FADS2: variants seen among roughly 807,000 people sequenced by gnomAD.
FADS2 encodes the protein acyl-CoA 6-desaturase.
A neutral mutation model predicts 61.2 loss-of-function variants in FADS2; 18 were observed. The observed-to-expected ratio is 0.29, with a 90% confidence interval of 0.20 to 0.44. FADS2 has a LOEUF of 0.44. FADS2 is among the 20% of genes least tolerant of loss of function. The pLI is 1.00. For missense variants in FADS2, 322 were observed against 572.7 expected, an observed-to-expected ratio of 0.56 and a Z score of 4.47; for synonymous variants, 203 against 223.9, an observed-to-expected ratio of 0.91 and a Z score of 0.83.
At chr11:61,817,003 C>T in intron 1 of FADS2, 3 of 1,325,740 alleles carry the variant, frequency 2.3e-6, no homozygotes, top group African/African-American at 3.1e-5. Flanking sequence ...GCTGGGCTGC[C>T]AACACGCGCC....
intron 4 of FADS2, chr11:61,847,405 C>T (rs1296657564): frequency 6.6e-6 from 1 of 152,266 alleles, no homozygotes; most frequent in African/African-American, 2.4e-5. Flanking sequence ...AATCCTAGCC[C>T]TACACAACTG....
Position 61,816,866 on chromosome 11 carries a change from G to A in FADS2, c.141+440G>A. On this transcript the variant is annotated intron_variant, in intron 1 of 11. Coordinates refer to the FADS2 transcript ENST00000257261. The surrounding 1 kb of genome is among the most constrained non-coding windows in gnomAD (Gnocchi z 7.0). ...TGCTGGCGCGCGCCCAGAGCCAGCC[G>A]CCTGCGCGCCGGGTTTTCAGCACCG... The A allele has an allele frequency of 6.8e-7, 1 of 1,478,564 alleles. No homozygotes were observed. Among genetic ancestry groups the A allele is most frequent in the South Asian group, 1.3e-5 (1 of 77,200 alleles). The allele number at this position is 1,478,564 out of a possible 1,614,324, so 91.6% of individuals were successfully genotyped here.
At chr11:61,858,819 G>A (rs773188539) in intron 7 of FADS2, among the ~76,000 whole-genome samples, 1 of 152,126 alleles carries the variant, frequency 6.6e-6, no homozygotes, top group African/African-American at 2.4e-5. Context: ...CTCTTGACTC[G>A]TGATCCACCC....
intron 7 of FADS2, among the ~76,000 whole-genome samples, chr11:61,859,124 C>G (rs2067391110): frequency 6.6e-6 from 1 of 152,144 alleles, no homozygotes; most frequent in South Asian, 2.1e-4. Context: ...ATGGCGTGAT[C>G]TCGGCTCACC....
upstream of FADS2, among the ~76,000 whole-genome samples, chr11:61,824,437 AGGGAGGGAGGGAGG>A (rs1565325187): frequency 9.5e-3 from 43 of 4,540 alleles, 2 homozygotes; most frequent in South Asian, 0.028. Context: ...AGAGAGAGGG[AGGGAGGGAGGGAGG>A]GAGGGAGGGA....
chr11:61,830,757 C>A (rs933808994), intron 1 of FADS2, among the ~76,000 whole-genome samples: 7 of 152,166 alleles, frequency 4.6e-5, no homozygotes, highest in African/African-American at 1.7e-4. Context: ...ATCTCCTCAT[C>A]TATAAGGTAC....
At chr11:61,860,801 T>C (rs1042530175) in intron 7 of FADS2, among the ~76,000 whole-genome samples, 2 of 152,078 alleles carry the variant, frequency 1.3e-5, no homozygotes, top group Non-Finnish European at 2.9e-5. Context: ...CTACCTACTT[T>C]GGAGGCTGAG....
rs1221224825 is a variant in FADS2 at position 61,816,702 on chromosome 11, G to C, written c.141+276G>C. The C allele has an allele frequency of 6.3e-7, 1 of 1,577,462 alleles. No homozygotes were observed. Among genetic ancestry groups the C allele is most frequent in the Admixed American group, 1.8e-5 (1 of 54,554 alleles). ...GCTGGGCCACCTCGTCCCAGGTGAA[G>C]TAGCGCGGGGTAGGTCCCTGAGCCG... is the stretch of plus-strand genomic sequence containing the variant. On this transcript the variant is annotated intron_variant, in intron 1 of 11. Coordinates refer to the FADS2 transcript ENST00000257261. The surrounding 1 kb of genome is among the most constrained non-coding windows in gnomAD (Gnocchi z 7.0).
intron 5 of FADS2, among the ~76,000 whole-genome samples, chr11:61,850,805 G>T (rs903047587): frequency 2.6e-5 from 4 of 152,154 alleles, no homozygotes; most frequent in African/African-American, 9.7e-5. Context: ...GCCAAGTGAG[G>T]CCAATTTTCC....
At chr11:61,837,735 CAG>C in intron 1 of FADS2, 41 bp from the exon 2 acceptor site, 1 of 1,384,462 alleles carries the variant, frequency 7.2e-7, no homozygotes, top group Non-Finnish European at 1.0e-6. Context: ...CAAGAGCAGA[CAG>C]AGTTCAGGTC....
intron 5 of FADS2, among the ~76,000 whole-genome samples, chr11:61,853,226 TTCTTC>T (rs1315918972): frequency 6.8e-6 from 1 of 146,440 alleles, no homozygotes; most frequent in East Asian, 2.1e-4. Context: ...CACTCTTTCT[TTCTTC>T]TCTTTCTTTC....
chr11:61,816,842 G>A lies in FADS2; in HGVS notation c.141+416G>A. The A allele has an allele frequency of 1.3e-6, 2 of 1,488,178 alleles. No individual in the cohort carries two copies. Among genetic ancestry groups the A allele is most frequent in the Non-Finnish European group, 1.8e-6 (2 of 1,129,224 alleles). 92.2% of individuals were successfully genotyped at this position (1,488,178 alleles called of 1,614,324 possible). On this transcript the variant is annotated intron_variant, in intron 1 of 11. Transcript: ENST00000257261. This position sits in a 1 kb window ranked among gnomAD's most constrained non-coding sequence, Gnocchi z 7.0. Reference sequence around the variant, plus strand: ...GTCCGCGGGCTCCAGGAGTGGATTTGCTGGCGCGCGCCCAGAGCCAGCCGC... The same window carrying A: ...GTCCGCGGGCTCCAGGAGTGGATTTACTGGCGCGCGCCCAGAGCCAGCCGC...
chr11:61,853,290 C>CCCTCCCTCCCTCCCTCCCTT (rs1487391139), intron 5 of FADS2, among the ~76,000 whole-genome samples: 2 of 81,692 alleles, frequency 2.4e-5, no homozygotes, highest in African/African-American at 1.2e-4. Flanking sequence ...CTCCCTCCCT[C>CCCTCCCTCCCTCCCTCCCTT]CCTTCCTTCC....
At chr11:61,827,106 C>A (rs2067091875), upstream of FADS2, among the ~76,000 whole-genome samples, 1 of 152,214 alleles carries the variant, frequency 6.6e-6, no homozygotes, top group Non-Finnish European at 1.5e-5. The surrounding 1 kb of genome is among the most constrained non-coding windows in gnomAD (Gnocchi z 4.5). Context: ...TCCCGTTAGC[C>A]CTCCGGATGC....
chr11:61,828,728 A>AATAGATGCACTT lies in FADS2; in HGVS notation c.207+131_207+132insATAGATGCACTT. The AATAGATGCACTT allele has an allele frequency of 1.3e-6, 1 of 764,368 alleles. No homozygotes were observed. The highest frequency in any genetic ancestry group is 2.1e-6 in the Non-Finnish European group (1 of 471,434). 47.3% of individuals were successfully genotyped at this position (764,368 alleles called of 1,614,324 possible). A position where few individuals can be genotyped will look rare whatever the true frequency, so the allele number is the denominator to read the frequency against. ...GACGTCCTGTAGGGAAGGAAAGTGC[A>AATAGATGCACTT]TCTATTGCACTCGTACCCCCTCCCC... On this transcript the variant is annotated intron_variant, in intron 1 of 11. Coordinates refer to ENST00000278840, the MANE Select transcript of FADS2 (RefSeq NM_004265.4). This position sits in a 1 kb window ranked among gnomAD's most constrained non-coding sequence, Gnocchi z 6.4.
At chr11:61,861,529 G>C (rs780925717) in intron 7 of FADS2, among the ~76,000 whole-genome samples, 12 of 151,830 alleles carry the variant, frequency 7.9e-5, no homozygotes, top group Non-Finnish European at 1.2e-4. Flanking sequence ...TTCCATATAT[G>C]TGTAGATACA....
At chr11:61,842,596 G>C (rs2067225699) in intron 4 of FADS2, among the ~76,000 whole-genome samples, 1 of 152,168 alleles carries the variant, frequency 6.6e-6, no homozygotes, top group Non-Finnish European at 1.5e-5. Flanking sequence ...TGGTCTCCAT[G>C]TAGAACGTGG....
chr11:61,861,053 A>T (rs1408907739), intron 7 of FADS2, among the ~76,000 whole-genome samples: 1 of 151,504 alleles, frequency 6.6e-6, no homozygotes, highest in East Asian at 2.0e-4. Context: ...ATAAAAACTT[A>T]AAAAAAATTA....
chr11:61,828,295 C>T (rs1377169019), upstream of FADS2: 10 of 1,490,238 alleles, frequency 6.7e-6, no homozygotes, highest in African/African-American at 1.4e-5. This position sits in a 1 kb window ranked among gnomAD's most constrained non-coding sequence, Gnocchi z 6.4. Context: ...GAAGAGGGCC[C>T]GGGCTGCACA....
Sources: gnomAD v4.1 joint callset for allele counts (sites outside exome capture counted in the v4.1 genomes callset) on GRCh38, gnomAD v4.1.1 for gene constraint, Gnocchi (gnomAD v3.1) non-coding constraint, MANE v1.5 for transcripts, NCBI Gene and HGNC (gene_info 2026-07-23, HGNC 2026-07-21) for gene names.